GUCY2D: variants seen among roughly 807,000 people sequenced by gnomAD.
GUCY2D encodes retinal guanylyl cyclase 1.
Under a neutral mutation model 101.3 loss-of-function variants are expected in GUCY2D, and 70 were observed. The ratio of observed to expected loss-of-function variants is 0.69; its 90% CI spans 0.57 to 0.84. The LOEUF is 0.84. GUCY2D is among the 40% of genes least tolerant of loss of function. The probability of loss-of-function intolerance (pLI) is 0.00; values close to 1 mark genes in which losing one functional copy is unlikely to be tolerated. For missense variants in GUCY2D, 1,460 were observed against 1,542.5 expected (o/e 0.95, Z 0.90); for synonymous variants, 688 against 670.7 (o/e 1.03, Z -0.40).
chr17:8,011,042 G>T lies in GUCY2D; in HGVS notation c.1750-1102G>T, dbSNP rs1438217929. On this transcript the variant is annotated intron_variant, in intron 8 of 19. Transcript: ENST00000254854. The surrounding 1 kb of genome is among the most constrained non-coding windows in gnomAD (Gnocchi z 4.3). ...GTAACGCCAAGCAGAGCAGCCCCCGGCCAGGTTGCAGGCACACGCCATTTC... is the reference window on the plus strand; with the variant it reads ...GTAACGCCAAGCAGAGCAGCCCCCGTCCAGGTTGCAGGCACACGCCATTTC... Among the ~76,000 whole-genome samples, 1 of 152,054 alleles carries T rather than the reference G, an allele frequency of 6.6e-6. No homozygotes were observed.
intron 18 of GUCY2D, 43 bp downstream of exon 18, chr17:8,016,333 CCTGCCTCCTGCTCTGTGT>C: frequency 1.4e-6 from 2 of 1,459,216 alleles, no homozygotes; most frequent in Non-Finnish European, 1.9e-6. Context: ...ACGAGGGACC[CCTGCCTCCTGCTCTGTGT>C]CTGACCCCCC....
rs1199925798 is a variant in GUCY2D at position 8,016,540 on chromosome 17, C to G, written c.*10C>G. The stretch of plus-strand genomic sequence containing the variant: ...GGGCCAGTTCTCTTGAGAAGTGAGG[C>G]CCGGCCCCGGACAGGTACTGCCCCC... On this transcript the variant is annotated 3_prime_UTR_variant, in exon 19 of 20. Coordinates refer to ENST00000254854, the MANE Select transcript of GUCY2D (RefSeq NM_000180.4). The G allele has an allele frequency of 2.6e-6, 4 of 1,535,464 alleles. No homozygotes were observed. Among genetic ancestry groups the G allele is most frequent in the East Asian group, 2.4e-5 (1 of 41,720 alleles).
intron 8 of GUCY2D, 149 bp downstream of exon 8, chr17:8,009,735 G>A: frequency 2.9e-6 from 2 of 695,686 alleles, no homozygotes; most frequent in South Asian, 1.5e-5. Context: ...GGCACTTTGA[G>A]AGGCAGATGT....
chr17:8,017,388 G>A (rs889528248), intron 19 of GUCY2D, among the ~76,000 whole-genome samples: 1 of 152,136 alleles, frequency 6.6e-6, no homozygotes, highest in Non-Finnish European at 1.5e-5. Context: ...ATTGATGCCC[G>A]ACCCCAGAGG....
chr17:8,003,884 G>A lies in GUCY2D; in HGVS notation c.754G>A (p.Gly252Ser). 1 of 1,613,152 alleles carries A rather than the reference G, an allele frequency of 6.2e-7. No individual in the cohort carries two copies. Among genetic ancestry groups the A allele is most frequent in the Non-Finnish European group, 8.5e-7 (1 of 1,179,820 alleles). The part of the protein sequence containing the change: ...VIMVMHSVLL[G>S]GEEQRYLLEA... ...CATGGTGATGCACTCGGTGCTGCTG[G>A]GTGGCGAGGAGCAGCGCTACCTCCT... The change falls in exon 3 of 20, where the codon GGT (glycine) becomes AGT (serine). Residue 252 changes from glycine to serine, a missense_variant. Gly to Ser is a moderately conservative substitution (Grantham distance 56, BLOSUM62 0). Transcript: ENST00000254854.
Position 8,010,690 on chromosome 17 carries a change from C to CTGAG in GUCY2D, c.1749+1104_1749+1105insTGAG, listed in dbSNP as rs1422128127. The stretch of plus-strand genomic sequence containing the variant: ...GGGTGTGGTGGCGGGCGCCTGTAGT[C>CTGAG]CCAGCTACTGTGGGAGGCTGAGGCA... On this transcript the variant is annotated intron_variant, in intron 8 of 19. Coordinates refer to ENST00000254854, the MANE Select transcript of GUCY2D (RefSeq NM_000180.4). 3.3e-5 allele frequency among the ~76,000 whole-genome samples: 5 copies of CTGAG among 151,884 alleles called. No homozygotes were observed. The East Asian group carries it at 9.7e-4, about 29-fold the overall frequency.
intron 19 of GUCY2D, among the ~76,000 whole-genome samples, chr17:8,018,056 T>C (rs1976009522): frequency 6.6e-6 from 1 of 152,176 alleles, no homozygotes; most frequent in Non-Finnish European, 1.5e-5. Context: ...TTTGTGAAAC[T>C]CTGACCTTCC....
rs1975956351 is a variant in GUCY2D at position 8,015,751 on chromosome 17, G to C, written c.2953G>C (p.Val985Leu). 1 of 1,608,880 alleles carries C rather than the reference G, an allele frequency of 6.2e-7. No individual in the cohort carries two copies. The highest frequency in any genetic ancestry group is 1.3e-5 in the African/African-American group (1 of 74,962). The change falls in exon 16 of 20, where the codon GTG becomes CTG. Residue 985 changes from valine (V) to leucine (L), a missense_variant. By Grantham distance (32) the Val-to-Leu change is conservative (BLOSUM62 1). Around this residue, in one of 3 missense-constraint regions of GUCY2D, gnomAD observed 215 missense variants for 227.9 expected, o/e 0.94. Transcript: ENST00000254854. ...IRIGLHSGPC[V>L]AGVVGLTMPR... ...CCCCAGCATCTCCACAGGTCCATGCGTGGCAGGCGTGGTGGGCCTCACCAT... is the reference window on the plus strand; with the variant it reads ...CCCCAGCATCTCCACAGGTCCATGCCTGGCAGGCGTGGTGGGCCTCACCAT...
Position 8,002,965 on chromosome 17 carries a change from A to G in GUCY2D, c.-9-74A>G. The G allele has an allele frequency of 8.5e-7, 1 of 1,179,596 alleles. No individual in the cohort carries two copies. The highest frequency in any genetic ancestry group is 1.2e-6 in the Non-Finnish European group (1 of 846,724). The allele number at this position is 1,179,596 out of a possible 1,614,324, so 73.1% of individuals were successfully genotyped here. ...CCATGGGTTACTCGGGCTTGGAGAA[A>G]CTCGGGGTTACGGGGAGAACCCTAG... is the stretch of plus-strand genomic sequence containing the variant. On this transcript the variant is annotated intron_variant, in intron 1 of 19. Coordinates refer to ENST00000254854, the MANE Select transcript of GUCY2D (RefSeq NM_000180.4). The surrounding 1 kb of genome is among the most constrained non-coding windows in gnomAD (Gnocchi z 4.9).
chr17:8,019,975 G>T (rs1347019131), intron 19 of GUCY2D, among the ~76,000 whole-genome samples, 153 bp from the exon 20 acceptor site: 1 of 152,154 alleles, frequency 6.6e-6, no homozygotes, highest in Admixed American at 6.5e-5. Flanking sequence ...TCCTTGCCTT[G>T]GAGATGGCTC....
In GUCY2D at chr17:8,015,232, A is replaced by G. The variant is rs141214199; in HGVS notation, c.2770-96A>G. Reference sequence around the variant, plus strand: ...CCTTCCACTAGCAACCTGGTTCTGCACTAACCCCAGGTGGGCCCGGTGACA... The same window carrying G: ...CCTTCCACTAGCAACCTGGTTCTGCGCTAACCCCAGGTGGGCCCGGTGACA... On this transcript the variant is annotated intron_variant, in intron 14 of 19. Transcript: ENST00000254854. 2.2e-4 allele frequency: 270 copies of G among 1,245,904 alleles called. 1 individual carries two copies. In the African/African-American group the frequency reaches 3.3e-3, roughly 15 times the overall value. The allele number at this position is 1,245,904 out of a possible 1,614,324, so 77.2% of individuals were successfully genotyped here. A position where few individuals can be genotyped will look rare whatever the true frequency, so the allele number is the denominator to read the frequency against.
intron 3 of GUCY2D, among the ~76,000 whole-genome samples, chr17:8,005,343 A>T (rs892631246): frequency 5.3e-5 from 8 of 152,094 alleles, no homozygotes; most frequent in African/African-American, 1.9e-4. Flanking sequence ...AATCTGACAG[A>T]TCTCACCCTG....
At chr17:8,019,941 G>A (rs1976041484) in intron 19 of GUCY2D, among the ~76,000 whole-genome samples, 187 bp from the exon 20 acceptor site, 1 of 152,246 alleles carries the variant, frequency 6.6e-6, no homozygotes, top group South Asian at 2.1e-4. Flanking sequence ...GCTGGCCTGC[G>A]CCAGGAGCCC....
chr17:8,007,633 C>A, intron 6 of GUCY2D, 105 bp downstream of exon 6: 2 of 739,512 alleles, frequency 2.7e-6, no homozygotes, highest in Non-Finnish European at 2.4e-6. Context: ...AGCCTGATTT[C>A]TACCCCAGTT....
chr17:8,018,488 G>C (rs1368603173), intron 19 of GUCY2D, among the ~76,000 whole-genome samples: 1 of 152,048 alleles, frequency 6.6e-6, no homozygotes, highest in Non-Finnish European at 1.5e-5. Flanking sequence ...ATAAAGCCAG[G>C]CTACAAACTA....
Position 8,003,307 on chromosome 17 carries a change from A to G in GUCY2D, c.260A>G (p.Asp87Gly). ...CTGGCCGCCGCCCGCCTGAACCGCG[A>G]CCCCGGCCTGGCAGGCGGTCCCCGC... The part of the protein sequence containing the change: ...ARLAAARLNR[D>G]PGLAGGPRFE... Residue 87 changes from aspartate (D) to glycine (G), a missense_variant, in exon 2 of 20, where the codon GAC becomes GGC. This residue lies in a region of GUCY2D where 1,196 missense variants were observed against 1,229.6 expected (regional missense o/e 0.97). Coordinates refer to ENST00000254854, the MANE Select transcript of GUCY2D (RefSeq NM_000180.4). 1 of 1,483,752 alleles carries G rather than the reference A, an allele frequency of 6.7e-7. No individual in the cohort carries two copies. The highest frequency in any genetic ancestry group is 8.9e-7 in the Non-Finnish European group (1 of 1,123,626). The allele number at this position is 1,483,752 out of a possible 1,614,324, so 91.9% of individuals were successfully genotyped here.
rs1205667563 is a variant in GUCY2D, at chr17:8,016,240, C to T, written c.3174C>T (p.Gly1058=). The T allele has an allele frequency of 6.3e-7, 1 of 1,590,362 alleles. No homozygotes were observed. Among genetic ancestry groups the T allele is most frequent in the East Asian group, 2.3e-5 (1 of 44,024 alleles). ...CCGAGGACACTTTCTGGCTAGTGGG[C>T]AGACGCGGCTTCAACAAGCCCATCC... The part of the protein sequence containing the change: ...KGAEDTFWLV[G]RRGFNKPIPK... The change falls in exon 18 of 20, where the codon GGC becomes GGT. Residue 1058 remains glycine (G), a synonymous_variant. Coordinates refer to ENST00000254854, the MANE Select transcript of GUCY2D (RefSeq NM_000180.4).
chr17:8,015,484 C>G lies in GUCY2D; in HGVS notation c.2926C>G (p.Arg976Gly). The G allele has an allele frequency of 6.2e-7, 1 of 1,612,512 alleles. No homozygotes were observed. The highest frequency in any genetic ancestry group is 8.5e-7 in the Non-Finnish European group (1 of 1,179,728). ...TATGCCTGAGGTTCCCGTGCGCATC[C>G]GCATAGGCCTGCACTCGGGTAACTC... ...RHMPEVPVRIRIGLHSGPCVA... is the reference protein window; with the variant it reads ...RHMPEVPVRIGIGLHSGPCVA... Residue 976 changes from arginine to glycine, a missense_variant, in exon 15 of 20, where the codon CGC (arginine) becomes GGC (glycine). Around this residue, in one of 3 missense-constraint regions of GUCY2D, gnomAD observed 215 missense variants for 227.9 expected, o/e 0.94. Coordinates refer to ENST00000254854, the MANE Select transcript of GUCY2D (RefSeq NM_000180.4).
At chr17:8,004,694 A>G (rs1326377432) in intron 3 of GUCY2D, among the ~76,000 whole-genome samples, 2 of 152,162 alleles carry the variant, frequency 1.3e-5, no homozygotes, top group African/African-American at 4.8e-5. Flanking sequence ...GGGATCCCCA[A>G]GTCCCCAGAA....
Sources: allele counts gnomAD v4.1 joint callset (sites outside exome capture counted in the v4.1 genomes callset), GRCh38; gene constraint gnomAD v4.1.1; regional missense constraint gnomAD v4.1.1; non-coding constraint Gnocchi (gnomAD v3.1); transcripts MANE v1.5; gene names NCBI Gene and HGNC (gene_info 2026-07-23, HGNC 2026-07-21).